The following NREP variants were observed in gnomAD, a reference collection of about 807,000 sequenced individuals.
NREP encodes neuronal regeneration related protein.
NREP carries 5 observed loss-of-function variants against 8.6 expected under a neutral mutation model. That is an observed-to-expected ratio of 0.58 (90% confidence interval 0.30 to 1.22). The LOEUF is 1.22. Ranked by LOEUF, NREP falls within the 50% of genes most tolerant of loss-of-function variation. The pLI is 0.07. For missense variants in NREP, 86 were observed against 82.5 expected, an observed-to-expected ratio of 1.04 and a Z score of -0.17; for synonymous variants, 27 against 28.0, an observed-to-expected ratio of 0.96 and a Z score of 0.11.
At chr5:111,857,707 TG>T (rs1323692782) in intron 2 of NREP, among the ~76,000 whole-genome samples, 11 of 152,314 alleles carry the variant, frequency 7.2e-5, no homozygotes, top group Non-Finnish European at 1.6e-4. Flanking sequence ...GGCTTTTTGT[TG>T]GTTTTGTTCA....
intron 2 of NREP, among the ~76,000 whole-genome samples, chr5:111,835,372 A>G (rs564808268): frequency 6.6e-6 from 1 of 152,244 alleles, no homozygotes; most frequent in South Asian, 2.1e-4. Context: ...AAGACCTTAT[A>G]CCTGCCCACA....
chr5:111,934,321 T>C (rs1239752877), intron 2 of NREP, among the ~76,000 whole-genome samples: 1 of 152,010 alleles, frequency 6.6e-6, no homozygotes, highest in East Asian at 1.9e-4. Flanking sequence ...TAAGTAAGCA[T>C]ATAGTTGGAT....
rs556163689 is a variant in NREP, at chr5:111,799,997, G to A, written c.136-64490C>T. ...TGCGGTGGTGTGATCTCAGCTCACC[G>A]CAACCTCCACCTCCCAGGTTCAAGT... On this transcript the variant is annotated intron_variant, in intron 2 of 3. Coordinates refer to the NREP transcript ENST00000395634. Among the ~76,000 whole-genome samples, 218 of 152,130 alleles carry A rather than the reference G, an allele frequency of 1.4e-3. 1 individual carries two copies. The highest frequency in any genetic ancestry group is 0.01 in the Admixed American group (158 of 15,280).
At chr5:111,933,106 A>G (rs900122745) in intron 2 of NREP, among the ~76,000 whole-genome samples, 1 of 152,116 alleles carries the variant, frequency 6.6e-6, no homozygotes. Flanking sequence ...CTTAAAATCA[A>G]ACCACGTTAA....
chr5:111,973,881 G>C (rs1756889507), intron 2 of NREP, among the ~76,000 whole-genome samples: 1 of 152,140 alleles, frequency 6.6e-6, no homozygotes, highest in Non-Finnish European at 1.5e-5. Context: ...CAAGTTACCT[G>C]GTTTAATGCT....
intron 2 of NREP, among the ~76,000 whole-genome samples, chr5:111,926,929 C>G (rs1221440957): frequency 2.0e-5 from 3 of 151,440 alleles, no homozygotes; most frequent in African/African-American, 4.8e-5. Flanking sequence ...GTGGGTCAGG[C>G]AGGAATAGTC....
chr5:111,744,620 C>G (rs887599370), intron 2 of NREP, among the ~76,000 whole-genome samples: 4 of 152,022 alleles, frequency 2.6e-5, no homozygotes, highest in Non-Finnish European at 5.9e-5. Flanking sequence ...GGAGCCAAGT[C>G]TGATTAAGTA....
At chr5:111,975,465 G>A in intron 1 of NREP, 1 of 844,990 alleles carries the variant, frequency 1.2e-6, no homozygotes, top group Non-Finnish European at 1.9e-6. Flanking sequence ...GAGAGGAGGA[G>A]AATGGGCATT....
chr5:111,971,877 C>T (rs1756830496), intron 2 of NREP, among the ~76,000 whole-genome samples: 1 of 147,150 alleles, frequency 6.8e-6, no homozygotes, highest in South Asian at 2.2e-4. Context: ...GCAGCCAAAG[C>T]AAAAATAGAC....
chr5:111,897,193 C>T (rs530060094), intron 2 of NREP, among the ~76,000 whole-genome samples: 23 of 152,122 alleles, frequency 1.5e-4, no homozygotes, highest in Non-Finnish European at 2.9e-4. Flanking sequence ...ATAGGGAAGG[C>T]AGATATTTGG....
intron 2 of NREP, among the ~76,000 whole-genome samples, chr5:111,879,424 C>CA (rs1163175158): frequency 2.6e-5 from 4 of 152,088 alleles, no homozygotes; most frequent in Admixed American, 2.6e-4. Flanking sequence ...AATATATAAG[C>CA]AAAATTGCAG....
chr5:111,918,864 A>T (rs1361132815), intron 2 of NREP, among the ~76,000 whole-genome samples: 1 of 152,182 alleles, frequency 6.6e-6, no homozygotes, highest in Non-Finnish European at 1.5e-5. Flanking sequence ...GACAAATGCA[A>T]TCTAATTGAA....
chr5:111,928,897 C>G (rs571932710), intron 2 of NREP, among the ~76,000 whole-genome samples: 3 of 152,200 alleles, frequency 2.0e-5, no homozygotes, highest in Admixed American at 1.3e-4. Flanking sequence ...TATACCACCC[C>G]TTAGTGTGTA....
At chr5:111,757,705 A>ACCCGCAGCTCTGCGCCCCGGC (rs1462212746), upstream of NREP, 1 of 984,290 alleles carries the variant, frequency 1.0e-6, no homozygotes, top group Non-Finnish European at 1.2e-6. Context: ...GACAAAGCGG[A>ACCCGCAGCTCTGCGCCCCGGC]CCCGCAGCTC....
intron 2 of NREP, among the ~76,000 whole-genome samples, chr5:111,825,133 AC>A (rs1215544203): frequency 6.6e-6 from 1 of 152,206 alleles, no homozygotes; most frequent in Admixed American, 6.5e-5. Context: ...CTGTTATCAT[AC>A]ATGCTCATTA....
At chr5:111,950,592 C>A (rs1371320168) in intron 2 of NREP, among the ~76,000 whole-genome samples, 1 of 151,854 alleles carries the variant, frequency 6.6e-6, no homozygotes, top group Non-Finnish European at 1.5e-5. Flanking sequence ...AAGAAACTAT[C>A]ATCAGAGTGA....
At chr5:111,944,759 T>C (rs1405289074) in intron 2 of NREP, among the ~76,000 whole-genome samples, 1 of 152,166 alleles carries the variant, frequency 6.6e-6, no homozygotes, top group African/African-American at 2.4e-5. Context: ...TCAGCAATGA[T>C]GTCTGAGTTC....
At chr5:111,936,514 T>A (rs1014313078) in intron 2 of NREP, among the ~76,000 whole-genome samples, 2 of 152,086 alleles carry the variant, frequency 1.3e-5, no homozygotes, top group Non-Finnish European at 2.9e-5. Context: ...AGTGTAAAAA[T>A]GGACTAATAC....
intron 2 of NREP, among the ~76,000 whole-genome samples, chr5:111,938,039 C>G (rs1755730637): frequency 6.6e-6 from 1 of 152,046 alleles, no homozygotes; most frequent in African/African-American, 2.4e-5. Flanking sequence ...TGCCTTGACT[C>G]CATTCTGGCT....
Sources: gnomAD v4.1 joint callset for allele counts (sites outside exome capture counted in the v4.1 genomes callset) on GRCh38, gnomAD v4.1.1 for gene constraint, MANE v1.5 for transcripts, NCBI Gene and HGNC (gene_info 2026-07-23, HGNC 2026-07-21) for gene names.